ITFG1: variants seen among roughly 807,000 people sequenced by gnomAD.
ITFG1 encodes integrin alpha FG-GAP repeat containing 1, also known as T-cell immunomodulatory protein.
ITFG1 carries 34 observed loss-of-function variants against 81.8 expected under a neutral mutation model. That is an observed-to-expected ratio of 0.42 (90% CI 0.32 to 0.55). The LOEUF is 0.55. ITFG1 is among the 20% of genes least tolerant of loss of function. ITFG1 has a pLI of 0.17. For synonymous variants in ITFG1, 285 were observed against 270.6 expected, an observed-to-expected ratio of 1.05 and a Z score of -0.52; for missense variants, 672 against 755.4, an observed-to-expected ratio of 0.89 and a Z score of 1.29.
chr16:47,391,291 A>G (rs189586453), intron 6 of ITFG1, among the ~76,000 whole-genome samples: 2 of 152,300 alleles, frequency 1.3e-5, no homozygotes, highest in Admixed American at 1.3e-4. Flanking sequence ...ATGTTTTATA[A>G]TCCTACAGTT....
At chr16:47,283,383 G>T (rs1036609076) in intron 10 of ITFG1, among the ~76,000 whole-genome samples, 5 of 152,146 alleles carry the variant, frequency 3.3e-5, no homozygotes, top group African/African-American at 1.2e-4. Flanking sequence ...TTGAATATTA[G>T]TTGGTTGAAG....
chr16:47,338,130 C>T (rs1208323786), intron 8 of ITFG1, among the ~76,000 whole-genome samples: 2 of 152,170 alleles, frequency 1.3e-5, no homozygotes, highest in African/African-American at 4.8e-5. Flanking sequence ...GCACTATAGG[C>T]CAGGCGCAGT....
At chr16:47,244,302 A>T (rs933994514) in intron 12 of ITFG1, among the ~76,000 whole-genome samples, 1 of 152,186 alleles carries the variant, frequency 6.6e-6, no homozygotes, top group African/African-American at 2.4e-5. Flanking sequence ...ATGGCCAGTT[A>T]GTCAGAAGTA....
At position 47,451,621 on chromosome 16, in the gene ITFG1, A is replaced by T. The variant is rs1319336655; in HGVS notation, c.486-151T>A. The T allele has an allele frequency of 5.4e-6, 3 of 557,754 alleles. No individual in the cohort carries two copies. In the Admixed American group the frequency reaches 1.0e-4, roughly 19 times the overall value. The allele number at this position is 557,754 out of a possible 1,614,324, so 34.6% of individuals were successfully genotyped here. A position where few individuals can be genotyped will look rare whatever the true frequency, so the allele number is the denominator to read the frequency against. On this transcript the variant is annotated intron_variant, in intron 4 of 17. Transcript: ENST00000320640. ...AAGTATTAAGTCAAATGTCAGCACA[A>T]GTGACATGTGTCACTTTTAGGCCAA...
chr16:47,300,796 T>C (rs775731544), intron 10 of ITFG1, among the ~76,000 whole-genome samples: 10 of 152,208 alleles, frequency 6.6e-5, no homozygotes, highest in Non-Finnish European at 1.5e-4. Context: ...CGAATTTCAG[T>C]TACTTATTTT....
chr16:47,272,043 A>G (rs1279236931), intron 10 of ITFG1, among the ~76,000 whole-genome samples: 4 of 152,252 alleles, frequency 2.6e-5, no homozygotes, highest in African/African-American at 9.6e-5. Flanking sequence ...TGAATAATGA[A>G]ATGTAGTATA....
intron 14 of ITFG1, among the ~76,000 whole-genome samples, chr16:47,185,987 T>C (rs1370960112): frequency 2.6e-5 from 4 of 152,194 alleles, no homozygotes; most frequent in Non-Finnish European, 5.9e-5. Context: ...AACATCTCTA[T>C]GCAAATAAAC....
intron 10 of ITFG1, among the ~76,000 whole-genome samples, chr16:47,296,475 G>A (rs1036766984): frequency 2.0e-5 from 3 of 151,940 alleles, no homozygotes; most frequent in Admixed American, 6.6e-5. Flanking sequence ...TGGCTCTGTC[G>A]CCCAGGCTGG....
chr16:47,247,781 T>C (rs1966020291), intron 12 of ITFG1, among the ~76,000 whole-genome samples: 1 of 152,194 alleles, frequency 6.6e-6, no homozygotes, highest in Non-Finnish European at 1.5e-5. Context: ...TGTTATCTAG[T>C]AGTTTCAGGT....
At chr16:47,199,294 A>ACC (rs71134535) in intron 14 of ITFG1, among the ~76,000 whole-genome samples, 86 of 151,786 alleles carry the variant, frequency 5.7e-4, no homozygotes, top group African/African-American at 7.7e-4. Context: ...ACCAAACCAA[A>ACC]ACAAAAAAAC....
At chr16:47,370,232 A>G (rs1968234367) in intron 7 of ITFG1, among the ~76,000 whole-genome samples, 1 of 152,172 alleles carries the variant, frequency 6.6e-6, no homozygotes, top group Non-Finnish European at 1.5e-5. Context: ...CAAACCAAAG[A>G]AAAACTAAAG....
chr16:47,457,273 G>A (rs1168636427), intron 2 of ITFG1, among the ~76,000 whole-genome samples: 1 of 150,252 alleles, frequency 6.7e-6, no homozygotes, highest in East Asian at 2.0e-4. Flanking sequence ...ATGATGCCAA[G>A]GCACTCCAGC....
chr16:47,460,826 G>A lies in ITFG1; in HGVS notation c.208+12C>T. 6.2e-7 allele frequency: 1 copy of A among 1,612,232 alleles called. No homozygotes were observed. The highest frequency in any genetic ancestry group is 8.5e-7 in the Non-Finnish European group (1 of 1,179,376). On this transcript the variant is annotated intron_variant, in intron 1 of 17. Coordinates refer to ENST00000320640, the MANE Select transcript of ITFG1 (RefSeq NM_030790.5). Reference sequence around the variant, plus strand: ...GGACAGCGAACAGAGGGAGGGCCCGGCAAGCACTGACTTTCCCGCAGCACG... The same window carrying A: ...GGACAGCGAACAGAGGGAGGGCCCGACAAGCACTGACTTTCCCGCAGCACG...
At chr16:47,330,821 A>G (rs1967627200) in intron 8 of ITFG1, among the ~76,000 whole-genome samples, 1 of 152,176 alleles carries the variant, frequency 6.6e-6, no homozygotes, top group African/African-American at 2.4e-5. Flanking sequence ...AAAAAATAAC[A>G]GATGCTGGCA....
intron 10 of ITFG1, among the ~76,000 whole-genome samples, chr16:47,278,995 T>A (rs954871970): frequency 7.2e-5 from 11 of 152,186 alleles, no homozygotes; most frequent in Admixed American, 3.3e-4. Flanking sequence ...TATTTTTTTT[T>A]ATTTTTGAGT....
At position 47,154,472 on chromosome 16, in the gene ITFG1, A is replaced by C. The variant is rs1964672737; in HGVS notation, c.*1247T>G. On this transcript the variant is annotated 3_prime_UTR_variant, in exon 18 of 18. Transcript: ENST00000320640. ...AAACACATGCCAATCTCAGTGAACTATAAAGAAAAAAATAAGAACAAAATT... is the reference window on the plus strand; with the variant it reads ...AAACACATGCCAATCTCAGTGAACTCTAAAGAAAAAAATAAGAACAAAATT... 1 of 152,206 alleles carries C rather than the reference A, an allele frequency of 6.6e-6. No homozygotes were observed. The highest frequency in any genetic ancestry group is 1.5e-5 in the Non-Finnish European group (1 of 68,046). The allele number at this position is 152,206 out of a possible 1,614,324, so 9.4% of individuals were successfully genotyped here.
At chr16:47,276,591 T>TG (rs1253537071) in intron 10 of ITFG1, among the ~76,000 whole-genome samples, 2 of 152,170 alleles carry the variant, frequency 1.3e-5, no homozygotes, top group Non-Finnish European at 2.9e-5. Flanking sequence ...CAAAATTACA[T>TG]GGGAAGGTAT....
intron 2 of ITFG1, among the ~76,000 whole-genome samples, chr16:47,456,612 A>C (rs2151620231): frequency 6.6e-6 from 1 of 152,066 alleles, no homozygotes; most frequent in African/African-American, 2.4e-5. Flanking sequence ...GAATTGCTAG[A>C]ACCAGGGAGG....
chr16:47,192,410 A>G (rs1965303537), intron 14 of ITFG1, among the ~76,000 whole-genome samples: 1 of 152,068 alleles, frequency 6.6e-6, no homozygotes. Context: ...CTTATTATTT[A>G]TTGTTATTGA....
Sources: allele counts gnomAD v4.1 joint callset (sites outside exome capture counted in the v4.1 genomes callset), GRCh38; gene constraint gnomAD v4.1.1; transcripts MANE v1.5; gene names NCBI Gene and HGNC (gene_info 2026-07-23, HGNC 2026-07-21).